The following RAE1 variants were observed in gnomAD, a reference collection of about 807,000 sequenced individuals.
RAE1 encodes mRNA export factor RAE1.
In RAE1, 13 loss-of-function variants were observed where a neutral mutation model predicts 52.7. The observed-to-expected ratio is 0.25, with a 90% CI of 0.16 to 0.39. The LOEUF is 0.39. Ranked by LOEUF, RAE1 falls within the 10% of genes least tolerant of loss-of-function variation. The pLI, the probability that RAE1 is intolerant of heterozygous loss-of-function variation, is 1.00. For synonymous variants in RAE1, 164 were observed against 153.1 expected (o/e 1.07, Z -0.52); for missense variants, 262 against 459.8 (o/e 0.57, Z 3.93).
rs776987233 is a variant in RAE1, at chr20:57,368,826, C to T, written c.642+14C>T. On this transcript the variant is annotated intron_variant, in intron 8 of 11. Coordinates refer to ENST00000395841, the MANE Select transcript of RAE1 (RefSeq NM_003610.4). ...CTGAAACATCAGGTGCGTCATTAGT[C>T]AAATCAAGAAGTATGTATTTAGCAC... 3.2e-6 allele frequency: 5 copies of T among 1,585,876 alleles called. No individual in the cohort carries two copies. In the South Asian group the frequency reaches 5.6e-5, roughly 18 times the overall value.
At chr20:57,373,250 G>A (rs146463865) in intron 8 of RAE1, 10,622 of 551,088 alleles carry the variant, frequency 0.019, 148 homozygotes, top group Non-Finnish European at 0.024. Flanking sequence ...AGAGCGAGCA[G>A]CGGGGGCGGG....
chr20:57,353,754 A>C (rs559452881), intron 1 of RAE1, among the ~76,000 whole-genome samples: 142 of 152,264 alleles, frequency 9.3e-4, no homozygotes, highest in Non-Finnish European at 1.7e-3. Flanking sequence ...CTGGTTTATT[A>C]ATGGTAACAA....
At position 57,366,684 on chromosome 20, in the gene RAE1, G is replaced by A. The variant is rs947436068; in HGVS notation, c.376-123G>A. ...ATTGGTAAAATGCTAAGTATGTTTT[G>A]GTTTTTGTTTGGTATGGCCCCAGTA... On this transcript the variant is annotated intron_variant, in intron 5 of 11. Coordinates refer to ENST00000395841, the MANE Select transcript of RAE1 (RefSeq NM_003610.4). 5.8e-6 allele frequency: 5 copies of A among 869,094 alleles called. No homozygotes were observed. In the African/African-American group the frequency reaches 8.4e-5, roughly 15 times the overall value. The allele number at this position is 869,094 out of a possible 1,614,324, so 53.8% of individuals were successfully genotyped here.
chr20:57,359,413 A>G (rs1424763642), intron 4 of RAE1: 2 of 159,840 alleles, frequency 1.3e-5, no homozygotes, highest in Non-Finnish European at 2.7e-5. Flanking sequence ...GTCCAATGTG[A>G]TGTTAGGAGT....
At position 57,351,284 on chromosome 20, in the gene RAE1, C is replaced by T. The variant is rs539074969; in HGVS notation, c.-146C>T. 3.5e-5 allele frequency: 34 copies of T among 985,428 alleles called. No individual in the cohort carries two copies. The East Asian group carries it at 2.8e-3, about 82-fold the overall frequency. 61.0% of individuals were successfully genotyped at this position (985,428 alleles called of 1,614,324 possible). A position where few individuals can be genotyped will look rare whatever the true frequency, so the allele number is the denominator to read the frequency against. On this transcript the variant is annotated 5_prime_UTR_variant, in exon 1 of 12. Transcript: ENST00000395841. ...CCGCGGTAGTCAGGGCAGTTTCTAC[C>T]GCAGGCTTAAGGAGGCTTCGGGCTC...
At chr20:57,353,539 G>T (rs1383426196) in intron 1 of RAE1, among the ~76,000 whole-genome samples, 5 of 152,250 alleles carry the variant, frequency 3.3e-5, no homozygotes, top group Non-Finnish European at 7.3e-5. Context: ...GTTGTTCTAG[G>T]TAGTTTCATG....
chr20:57,362,900 C>G (rs925977650), intron 4 of RAE1, among the ~76,000 whole-genome samples: 10 of 152,282 alleles, frequency 6.6e-5, no homozygotes, highest in African/African-American at 2.2e-4. Context: ...CCTGCCTCAG[C>G]CTCCCAAGTA....
intron 11 of RAE1, among the ~76,000 whole-genome samples, chr20:57,375,943 C>G (rs1268236197): frequency 6.6e-6 from 1 of 152,212 alleles, no homozygotes; most frequent in Admixed American, 6.5e-5. Flanking sequence ...CCTTGCTGGC[C>G]CCCCGCTATC....
chr20:57,377,334 C>T (rs2067130702), intron 11 of RAE1, among the ~76,000 whole-genome samples: 1 of 152,200 alleles, frequency 6.6e-6, no homozygotes, highest in South Asian at 2.1e-4. Flanking sequence ...CCACTCACCT[C>T]TCTTCTTAAA....
intron 11 of RAE1, chr20:57,375,244 C>T (rs1330307011): frequency 9.1e-6 from 5 of 550,560 alleles, no homozygotes; most frequent in Admixed American, 3.4e-5. Context: ...TGTGTAGACT[C>T]GGGTACTCTG....
chr20:57,367,668 A>G (rs567912289), intron 7 of RAE1, among the ~76,000 whole-genome samples: 32 of 151,666 alleles, frequency 2.1e-4, no homozygotes, highest in African/African-American at 7.5e-4. Context: ...TGAACCCAGC[A>G]AGTAGAGGTT....
chr20:57,365,251 G>T lies in RAE1; in HGVS notation c.289-105G>T, dbSNP rs1316417927. ...GTCCCCAAACAATTGGAAAAATAAA[G>T]ATTGCCAAAGTTTGCCTCAATATGT... is the stretch of plus-strand genomic sequence containing the variant. On this transcript the variant is annotated intron_variant, in intron 4 of 11. Coordinates refer to ENST00000395841, the MANE Select transcript of RAE1 (RefSeq NM_003610.4). The T allele has an allele frequency of 4.2e-6, 3 of 720,744 alleles. No individual in the cohort carries two copies. The African/African-American group carries it at 5.5e-5, about 13-fold the overall frequency. 44.6% of individuals were successfully genotyped at this position (720,744 alleles called of 1,614,324 possible).
chr20:57,377,919 G>A, intron 11 of RAE1, 94 bp from the exon 12 acceptor site: 2 of 820,918 alleles, frequency 2.4e-6, no homozygotes, highest in African/African-American at 3.4e-5. Flanking sequence ...TATGTTTCCA[G>A]TATTGTAGCA....
intron 8 of RAE1, 184 bp from the exon 9 acceptor site, chr20:57,373,291 A>G: frequency 1.6e-6 from 1 of 619,740 alleles, no homozygotes; most frequent in Non-Finnish European, 2.8e-6. Context: ...GTTGGGTCAT[A>G]AACTCACTGC....
chr20:57,377,614 T>G (rs139014375), intron 11 of RAE1, among the ~76,000 whole-genome samples: 1 of 152,234 alleles, frequency 6.6e-6, no homozygotes, highest in Non-Finnish European at 1.5e-5. Context: ...CGGGGTGTCC[T>G]CCTTCATCCC....
chr20:57,377,969 T>G (rs2146187372), intron 11 of RAE1, 44 bp from the exon 12 acceptor site: 1 of 1,459,214 alleles, frequency 6.9e-7, no homozygotes, highest in Non-Finnish European at 9.5e-7. Context: ...AATGCTAACT[T>G]TCTTTTGAAT....
chr20:57,364,584 A>G (rs1045488248), intron 4 of RAE1, among the ~76,000 whole-genome samples: 4 of 152,242 alleles, frequency 2.6e-5, no homozygotes, highest in African/African-American at 9.6e-5. Context: ...AGACTAGGCC[A>G]AGGTTCAGCA....
At chr20:57,361,298 TAATC>T (rs2066889100) in intron 4 of RAE1, among the ~76,000 whole-genome samples, 1 of 152,294 alleles carries the variant, frequency 6.6e-6, no homozygotes, top group African/African-American at 2.4e-5. Context: ...GAAGTTTAGT[TAATC>T]TATTATACAT....
chr20:57,376,372 T>C (rs2067115033), intron 11 of RAE1, among the ~76,000 whole-genome samples: 1 of 152,268 alleles, frequency 6.6e-6, no homozygotes, highest in Non-Finnish European at 1.5e-5. Context: ...GAAAGGTTTT[T>C]GTGTATATTA....
Sources: gnomAD v4.1 joint callset for allele counts (sites outside exome capture counted in the v4.1 genomes callset) on GRCh38, gnomAD v4.1.1 for gene constraint, MANE v1.5 for transcripts, NCBI Gene and HGNC (gene_info 2026-07-23, HGNC 2026-07-21) for gene names.